Variants in ASPM observed in about 807,000 individuals in gnomAD.
The protein encoded by ASPM is abnormal spindle-like microcephaly-associated protein.
A neutral mutation model predicts 366.4 loss-of-function variants in ASPM; 256 were observed. The ratio of observed to expected loss-of-function variants is 0.70; its 90% CI spans 0.63 to 0.77. The LOEUF (loss-of-function observed/expected upper bound fraction) is 0.77. Among genes scored for constraint, ASPM ranks in the 30% least tolerant of loss-of-function variants. The pLI is 0.00. For missense variants in ASPM, 4,146 were observed against 4,090.4 expected, an observed-to-expected ratio of 1.01 and a Z score of -0.37; for synonymous variants, 1,414 against 1,342.9, an observed-to-expected ratio of 1.05 and a Z score of -1.16.
At position 197,145,809 on chromosome 1, in the gene ASPM, G is replaced by C. The variant is rs1658749671; in HGVS notation, c.297+332C>G. 2.7e-5 allele frequency among the ~76,000 whole-genome samples: 4 copies of C among 150,750 alleles called. No homozygotes were observed. In the South Asian group the frequency reaches 6.3e-4, roughly 24 times the overall value. On this transcript the variant is annotated intron_variant, in intron 1 of 27. Transcript: ENST00000367409. ...GCGCGCGCGTTTATGTGTTGTCCCC[G>C]CCCAAGTTAGCGTCTATCCTAGCCT... is the stretch of plus-strand genomic sequence containing the variant.
chr1:197,104,842 A>G lies in ASPM; in HGVS notation c.4409T>C (p.Ile1470Thr), dbSNP rs747854626. 10 of 1,597,358 alleles carry G rather than the reference A, an allele frequency of 6.3e-6. No individual in the cohort carries two copies. In the Admixed American group the frequency reaches 1.6e-4, roughly 25 times the overall value. ...KQAKEENSAIIIQSWYRMHKE... is the reference protein window; with the variant it reads ...KQAKEENSAITIQSWYRMHKE... ...ATGCATTCTATACCATGATTGTATG[A>G]TAATAGCAGAATTTTCTTCTTTAGC... The change falls in exon 18 of 28, where the codon ATC becomes ACC. Residue 1470 changes from isoleucine to threonine, a missense_variant. Around this residue, in one of 3 missense-constraint regions of ASPM, gnomAD observed 3,624 missense variants for 3,591.7 expected, o/e 1.01. Transcript: ENST00000367409.
chr1:197,113,585 CAAGG>C (rs1657653727), intron 17 of ASPM, among the ~76,000 whole-genome samples: 1 of 151,946 alleles, frequency 6.6e-6, no homozygotes, highest in Non-Finnish European at 1.5e-5. Flanking sequence ...CATACATCTA[CAAGG>C]CCTTAAGATA....
chr1:197,139,947 A>C, intron 3 of ASPM, 76 bp from the exon 4 acceptor site: 1 of 1,023,264 alleles, frequency 9.8e-7, no homozygotes, highest in African/African-American at 1.6e-5. Flanking sequence ...TTGAAAGTTA[A>C]AGTTTGGGTT....
In ASPM at chr1:197,090,330, A is replaced by G. The variant is rs754294536; in HGVS notation, c.9695T>C (p.Ile3232Thr). ...ATTAACAACTTGAAGACTTAGTCGT[A>G]TAGCTTTAATTTTTGTACAATCATT... ...KKNDCTKIKA[I>T]RLSLQVVNRE... is the part of the protein sequence containing the mutation. The change falls in exon 24 of 28, where the codon ATA (isoleucine) becomes ACA (threonine). Residue 3232 changes from isoleucine (I) to threonine (T), a missense_variant. Physicochemically the swap from Ile to Thr is moderately conservative, Grantham distance 89 (BLOSUM62 -1). Transcript: ENST00000367409. 2.5e-6 allele frequency: 4 copies of G among 1,612,718 alleles called. No individual in the cohort carries two copies. Among genetic ancestry groups the G allele is most frequent in the South Asian group, 2.2e-5 (2 of 91,036 alleles).
intron 25 of ASPM, among the ~76,000 whole-genome samples, chr1:197,089,499 G>T (rs1340004083): frequency 2.0e-5 from 3 of 151,934 alleles, no homozygotes; most frequent in African/African-American, 7.2e-5. Context: ...AGACAGAAAT[G>T]AATCCAAATT....
chr1:197,127,346 T>C (rs961571353), intron 10 of ASPM, among the ~76,000 whole-genome samples: 2 of 151,978 alleles, frequency 1.3e-5, no homozygotes, highest in African/African-American at 4.8e-5. Flanking sequence ...AGCTAAAGAG[T>C]TTGTTAAGTT....
At chr1:197,138,066 C>CA (rs1461467574) in intron 4 of ASPM, among the ~76,000 whole-genome samples, 7 of 152,104 alleles carry the variant, frequency 4.6e-5, no homozygotes, top group Admixed American at 3.9e-4. Flanking sequence ...TATGAGTCCC[C>CA]AACAAAGCCT....
intron 4 of ASPM, among the ~76,000 whole-genome samples, chr1:197,137,670 G>T (rs1213641085): frequency 6.6e-6 from 1 of 152,104 alleles, no homozygotes; most frequent in African/African-American, 2.4e-5. Context: ...CAGTAGGGAT[G>T]GGGTTTCACC....
At chr1:197,090,530 A>G in intron 23 of ASPM, 142 bp from the exon 24 acceptor site, 1 of 777,722 alleles carries the variant, frequency 1.3e-6, no homozygotes. Flanking sequence ...TCAAGTTCAA[A>G]TAAATAGCAA....
chr1:197,111,617 C>T (rs915576872), intron 17 of ASPM, among the ~76,000 whole-genome samples: 13 of 152,098 alleles, frequency 8.5e-5, no homozygotes, highest in African/African-American at 2.9e-4. Context: ...CAAAAAGACA[C>T]ATGGATTCAT....
At position 197,133,501 on chromosome 1, in the gene ASPM, A is replaced by G. The variant is rs1658327076; in HGVS notation, c.2268T>C (p.Tyr756=). The G allele has an allele frequency of 6.2e-7, 1 of 1,614,044 alleles. No homozygotes were observed. The highest frequency in any genetic ancestry group is 1.3e-5 in the African/African-American group (1 of 74,930). The change falls in exon 6 of 28, where the codon TAT becomes TAC. Residue 756 remains tyrosine (Y), a synonymous_variant. Coordinates refer to ENST00000367409, the MANE Select transcript of ASPM (RefSeq NM_018136.5). ...GTCTGTTTAACCTACACCGAGCAGTATAAGCTCTGAGAGACATTTCCTCTT... is the reference window on the plus strand; with the variant it reads ...GTCTGTTTAACCTACACCGAGCAGTGTAAGCTCTGAGAGACATTTCCTCTT... ...PTKEEMSLRA[Y]TARCRLNRLR...
Position 197,122,382 on chromosome 1 carries a change from A to G in ASPM, c.3598+6T>C. 6.2e-7 allele frequency: 1 copy of G among 1,613,622 alleles called. No homozygotes were observed. The highest frequency in any genetic ancestry group is 1.1e-5 in the South Asian group (1 of 91,058). On this transcript the variant is annotated splice_donor_region_variant and intron_variant, in intron 14 of 27. Transcript: ENST00000367409. ...AAAATTGGAAAAGTAACCAAAAGGG[A>G]CTAACCATGATCAAATGCTTTAAGA...
At position 197,104,555 on chromosome 1, in the gene ASPM, T is replaced by C; in HGVS notation, c.4696A>G (p.Ile1566Val). Residue 1566 changes from isoleucine (I) to valine (V), a missense_variant, in exon 18 of 28, where the codon ATT becomes GTT. Physicochemically the swap from Ile to Val is conservative, Grantham distance 29. Coordinates refer to ENST00000367409, the MANE Select transcript of ASPM (RefSeq NM_018136.5). ...LCRQIRAACV[I>V]QSYWRMRQDR... is the part of the protein sequence containing the mutation. ...TGTCTCATTCTCCAGTATGACTGAA[T>C]AACACAAGCAGCTCTAATTTGTCTA... is the stretch of plus-strand genomic sequence containing the variant. 1 of 1,612,874 alleles carries C rather than the reference T, an allele frequency of 6.2e-7. No homozygotes were observed. Among genetic ancestry groups the C allele is most frequent in the Non-Finnish European group, 8.5e-7 (1 of 1,179,414 alleles).
rs1657155813 is a variant in ASPM, at chr1:197,101,087, A to C, written c.8164T>G (p.Tyr2722Asp). 2 of 1,611,778 alleles carry C rather than the reference A, an allele frequency of 1.2e-6. No homozygotes were observed. The highest frequency in any genetic ancestry group is 2.2e-5 in the South Asian group (2 of 91,032). The change falls in exon 18 of 28, where the codon TAT becomes GAT. Residue 2722 changes from tyrosine to aspartate, a missense_variant. Tyr to Asp is a radical substitution (Grantham distance 160). Around this residue, in one of 3 missense-constraint regions of ASPM, gnomAD observed 3,624 missense variants for 3,591.7 expected, o/e 1.01. Coordinates refer to ENST00000367409, the MANE Select transcript of ASPM (RefSeq NM_018136.5). ...GTTTTTACTCTAACATACAACCTAT[A>C]ATAATTCTGTATAACCACAATTGCA... The part of the protein sequence containing the change: ...KTAIVVIQNY[Y>D]RLYVRVKTER...
chr1:197,137,970 A>G (rs893185474), intron 4 of ASPM, among the ~76,000 whole-genome samples: 11 of 150,000 alleles, frequency 7.3e-5, no homozygotes, highest in African/African-American at 2.3e-4. Context: ...ATCTTTTATC[A>G]TAATAAAAAC....
chr1:197,142,090 T>TG (rs1390352502), intron 3 of ASPM, among the ~76,000 whole-genome samples: 2 of 152,192 alleles, frequency 1.3e-5, no homozygotes, highest in Non-Finnish European at 2.9e-5. Context: ...AAAATAGGTA[T>TG]GTTCCTTACT....
Position 197,103,964 on chromosome 1 carries a change from T to C in ASPM, c.5287A>G (p.Arg1763Gly), listed in dbSNP as rs975520953. Residue 1763 changes from arginine (R) to glycine (G), a missense_variant, in exon 18 of 28, where the codon AGA (arginine) becomes GGA (glycine). This residue lies in a region of ASPM where 3,624 missense variants were observed against 3,591.7 expected (regional missense o/e 1.01). Transcript: ENST00000367409. Reference sequence around the variant, plus strand: ...TAATACTGCCGAGCCTTTCTCATTCTGAAATAAGACTGTAGTGAAATAACA... The same window carrying C: ...TAATACTGCCGAGCCTTTCTCATTCCGAAATAAGACTGTAGTGAAATAACA... ...KAVISLQSYF[R>G]MRKARQYYLK... 1 of 1,612,350 alleles carries C rather than the reference T, an allele frequency of 6.2e-7. No homozygotes were observed. The highest frequency in any genetic ancestry group is 1.3e-5 in the African/African-American group (1 of 74,806).
Position 197,102,369 on chromosome 1 carries a change from T to C in ASPM, c.6882A>G (p.Arg2294=), listed in dbSNP as rs560754851. The part of the protein sequence containing the change: ...SLKKTAILIQ[R]KYRAHLCTKH... The stretch of plus-strand genomic sequence containing the variant: ...TTGTACAAAGATGTGCCCGATATTT[T>C]CTCTGAATCAAAATAGCAGTTTTCT... Residue 2294 remains arginine (R), a synonymous_variant, in exon 18 of 28, where the codon AGA becomes AGG. Coordinates refer to ENST00000367409, the MANE Select transcript of ASPM (RefSeq NM_018136.5). The C allele has an allele frequency of 4.3e-6, 7 of 1,612,864 alleles. No homozygotes were observed. In the Admixed American group the frequency reaches 6.7e-5, roughly 15 times the overall value.
intron 9 of ASPM, among the ~76,000 whole-genome samples, chr1:197,128,973 G>T (rs563451866): frequency 1.3e-5 from 2 of 152,216 alleles, no homozygotes; most frequent in East Asian, 3.9e-4. Flanking sequence ...AAAATTAAGA[G>T]TAATGATAAT....
Sources: allele counts gnomAD v4.1 joint callset (sites outside exome capture counted in the v4.1 genomes callset), GRCh38; gene constraint gnomAD v4.1.1; regional missense constraint gnomAD v4.1.1; transcripts MANE v1.5; gene names NCBI Gene and HGNC (gene_info 2026-07-23, HGNC 2026-07-21).